The following KCNH1 variants were observed in gnomAD, a reference collection of about 807,000 sequenced individuals.
The protein encoded by KCNH1 is voltage-gated delayed rectifier potassium channel KCNH1.
In KCNH1, 27 loss-of-function variants were observed where a neutral mutation model predicts 69.2. The observed-to-expected ratio is 0.39, with a 90% CI of 0.29 to 0.54. The LOEUF is 0.54. Among genes scored for constraint, KCNH1 ranks in the 20% least tolerant of loss-of-function variants. KCNH1 has a pLI of 0.68. For synonymous variants in KCNH1, 456 were observed against 487.7 expected (o/e 0.93, Z 0.86); for missense variants, 798 against 1,261.6 (o/e 0.63, Z 5.57).
At chr1:210,982,291 T>A (rs191737947) in intron 6 of KCNH1, among the ~76,000 whole-genome samples, 1 of 152,092 alleles carries the variant, frequency 6.6e-6, no homozygotes, top group East Asian at 1.9e-4. Context: ...AACTTTAGGG[T>A]AAAGTTTTAG....
At chr1:211,022,064 G>A (rs925655184) in intron 5 of KCNH1, among the ~76,000 whole-genome samples, 3 of 152,110 alleles carry the variant, frequency 2.0e-5, no homozygotes, top group African/African-American at 7.2e-5. Flanking sequence ...CACATTACCT[G>A]ACTTCAAATT....
At chr1:210,717,359 G>C (rs569840347) in intron 10 of KCNH1, among the ~76,000 whole-genome samples, 1 of 152,190 alleles carries the variant, frequency 6.6e-6, no homozygotes, top group African/African-American at 2.4e-5. Context: ...ACTTTAGTCC[G>C]CAGACTGCAC....
In KCNH1 at chr1:211,134,082, G is replaced by A. The variant is rs905426453; in HGVS notation, c.-137C>T. The A allele has an allele frequency of 9.2e-6, 6 of 654,060 alleles. No individual in the cohort carries two copies. The highest frequency in any genetic ancestry group is 9.0e-5 in the Admixed American group (3 of 33,450). 40.5% of individuals were successfully genotyped at this position (654,060 alleles called of 1,614,324 possible). Reference sequence around the variant, plus strand: ...GCGGGGATCCGCAGGCAGGGCTGGCGGCTCCCTCTGGCTGCTACCCTCGCG... The same window carrying A: ...GCGGGGATCCGCAGGCAGGGCTGGCAGCTCCCTCTGGCTGCTACCCTCGCG... On this transcript the variant is annotated 5_prime_UTR_variant, in exon 1 of 11. Coordinates refer to ENST00000271751, the MANE Select transcript of KCNH1 (RefSeq NM_172362.3). The surrounding 1 kb of genome is among the most constrained non-coding windows in gnomAD (Gnocchi z 5.7).
intron 5 of KCNH1, among the ~76,000 whole-genome samples, chr1:211,036,734 A>ACCTCG (rs386369528): frequency 6.6e-6 from 1 of 150,936 alleles, no homozygotes; most frequent in African/African-American, 2.4e-5. Flanking sequence ...AATCTCCCTC[A>ACCTCG]CCTCTTTTCT....
chr1:210,778,904 A>C (rs1175651261), intron 9 of KCNH1, among the ~76,000 whole-genome samples: 2 of 152,220 alleles, frequency 1.3e-5, no homozygotes, highest in African/African-American at 4.8e-5. Flanking sequence ...ATTATAAAAG[A>C]AACTATTAGG....
chr1:210,804,960 C>A (rs760247294), intron 7 of KCNH1, among the ~76,000 whole-genome samples: 5 of 152,126 alleles, frequency 3.3e-5, no homozygotes, highest in Non-Finnish European at 7.4e-5. Flanking sequence ...GAAGAAGGAC[C>A]ATTATGTTAT....
At chr1:210,789,172 C>T (rs1343541805) in intron 9 of KCNH1, among the ~76,000 whole-genome samples, 1 of 152,166 alleles carries the variant, frequency 6.6e-6, no homozygotes, top group Non-Finnish European at 1.5e-5. Flanking sequence ...ATTTACCTAG[C>T]AACTTCAAGT....
chr1:210,985,175 T>C (rs1269921794), intron 6 of KCNH1, among the ~76,000 whole-genome samples: 1 of 152,228 alleles, frequency 6.6e-6, no homozygotes, highest in Admixed American at 6.5e-5. Flanking sequence ...TTCTCTCTTT[T>C]GTTCTTTATT....
At chr1:211,076,468 A>T (rs772106421) in intron 5 of KCNH1, among the ~76,000 whole-genome samples, 5 of 152,248 alleles carry the variant, frequency 3.3e-5, no homozygotes, top group Non-Finnish European at 5.9e-5. Flanking sequence ...GGCAAACAAG[A>T]TCTGGAATGG....
chr1:210,992,396 G>T (rs1688953437), intron 6 of KCNH1, among the ~76,000 whole-genome samples: 1 of 152,130 alleles, frequency 6.6e-6, no homozygotes, highest in Non-Finnish European at 1.5e-5. Context: ...TCCTCAACCT[G>T]AAGAAATTAT....
chr1:210,718,667 C>T (rs868641124), intron 10 of KCNH1, among the ~76,000 whole-genome samples: 3,745 of 94,592 alleles, frequency 0.04, 343 homozygotes, highest in East Asian at 0.11. Context: ...CACACACACA[C>T]ACACACACAC....
rs573289479 is a variant in KCNH1, at chr1:211,092,694, G to A, written c.311-2004C>T. ...CCTCCTAGTCTTTTCCTCAGAATCT[G>A]CAGGATTTTAAACCATTTTCAATTA... is the stretch of plus-strand genomic sequence containing the variant. On this transcript the variant is annotated intron_variant, in intron 3 of 10. Coordinates refer to ENST00000271751, the MANE Select transcript of KCNH1 (RefSeq NM_172362.3). 1.6e-4 allele frequency among the ~76,000 whole-genome samples: 25 copies of A among 152,184 alleles called. 1 individual carries two copies. The highest frequency in any genetic ancestry group is 4.6e-4 in the African/African-American group (19 of 41,524).
chr1:210,870,229 G>C (rs1471699003), intron 7 of KCNH1, among the ~76,000 whole-genome samples: 2 of 152,004 alleles, frequency 1.3e-5, no homozygotes, highest in Admixed American at 6.6e-5. Context: ...TCACTCTCTT[G>C]TGTCTGGAAG....
chr1:211,028,487 C>T (rs1001272435), intron 5 of KCNH1, among the ~76,000 whole-genome samples: 6 of 151,284 alleles, frequency 4.0e-5, no homozygotes, highest in Non-Finnish European at 5.9e-5. Context: ...AACAGGAAAA[C>T]AAGAGGAAAT....
At chr1:210,808,471 TG>T (rs1173195280) in intron 7 of KCNH1, among the ~76,000 whole-genome samples, 1 of 152,168 alleles carries the variant, frequency 6.6e-6, no homozygotes, top group Non-Finnish European at 1.5e-5. Flanking sequence ...AGGAGGCCCT[TG>T]CTCAATTACA....
chr1:211,094,608 T>C (rs1403818551), intron 3 of KCNH1, among the ~76,000 whole-genome samples: 1 of 152,204 alleles, frequency 6.6e-6, no homozygotes, highest in Non-Finnish European at 1.5e-5. Context: ...TTCAATGTAG[T>C]ATTATGCACA....
intron 5 of KCNH1, among the ~76,000 whole-genome samples, chr1:211,078,924 A>AG (rs1224161726): frequency 6.7e-6 from 1 of 149,926 alleles, no homozygotes; most frequent in African/African-American, 2.4e-5. Context: ...TCTCAAAAAA[A>AG]AAAAAAAAAA....
intron 2 of KCNH1, among the ~76,000 whole-genome samples, chr1:211,104,345 T>C (rs1381156954): frequency 1.3e-5 from 2 of 152,130 alleles, no homozygotes; most frequent in Non-Finnish European, 2.9e-5. Context: ...TGAGTAAGTT[T>C]AGACCATAGA....
At chr1:210,803,890 A>T in intron 8 of KCNH1, 77 bp downstream of exon 8, 1 of 1,297,802 alleles carries the variant, frequency 7.7e-7, no homozygotes. Context: ...TTTGACATCC[A>T]CTGTCTTAGG....
Sources: gnomAD v4.1 joint callset for allele counts (sites outside exome capture counted in the v4.1 genomes callset) on GRCh38, gnomAD v4.1.1 for gene constraint, Gnocchi (gnomAD v3.1) non-coding constraint, MANE v1.5 for transcripts, NCBI Gene and HGNC (gene_info 2026-07-23, HGNC 2026-07-21) for gene names.